Variants in PARD3B observed in about 807,000 individuals in gnomAD.
The protein encoded by PARD3B is partitioning defective 3 homolog B.
Under a neutral mutation model 130.2 loss-of-function variants are expected in PARD3B, and 103 were observed. That is an observed-to-expected ratio of 0.79 (90% CI 0.67 to 0.93). The LOEUF is 0.93. Among genes scored for constraint, PARD3B ranks in the 40% least tolerant of loss-of-function variants. The probability of loss-of-function intolerance (pLI) is 0.00; values close to 1 mark genes in which losing one functional copy is unlikely to be tolerated. For missense variants in PARD3B, 1,609 were observed against 1,499.2 expected (o/e 1.07, Z -1.21); for synonymous variants, 583 against 553.2 (o/e 1.05, Z -0.76).
At chr2:205,238,916 G>GTATA (rs747790189) in intron 15 of PARD3B, among the ~76,000 whole-genome samples, 5 of 118,450 alleles carry the variant, frequency 4.2e-5, no homozygotes, top group African/African-American at 1.7e-4. Flanking sequence ...ATATGTATGT[G>GTATA]TATATATATA....
chr2:204,707,362 G>A (rs1300901859), intron 2 of PARD3B, among the ~76,000 whole-genome samples: 1 of 152,186 alleles, frequency 6.6e-6, no homozygotes, highest in African/African-American at 2.4e-5. Flanking sequence ...ATATGGAGTT[G>A]CTGATGTTTT....
intron 10 of PARD3B, among the ~76,000 whole-genome samples, chr2:205,131,973 C>A (rs2032044596): frequency 6.6e-6 from 1 of 152,096 alleles, no homozygotes; most frequent in Non-Finnish European, 1.5e-5. Context: ...GATTAAATGG[C>A]CTTGATGAAG....
chr2:205,472,180 G>A lies in PARD3B; in HGVS notation c.3045-27716G>A, dbSNP rs561819189. On this transcript the variant is annotated intron_variant, in intron 20 of 22. Coordinates refer to ENST00000406610, the MANE Select transcript of PARD3B (RefSeq NM_001302769.2). ...AAGGTAACATAGGATGCATAAAACC[G>A]TATACATCTGAATTGTCTCCTCGAC... Among the ~76,000 whole-genome samples, 53 of 152,228 alleles carry A rather than the reference G, an allele frequency of 3.5e-4. No homozygotes were observed. In the South Asian group the frequency reaches 8.5e-3, roughly 24 times the overall value.
chr2:204,976,904 C>T (rs1401238937), intron 3 of PARD3B, among the ~76,000 whole-genome samples: 1 of 152,150 alleles, frequency 6.6e-6, no homozygotes, highest in Non-Finnish European at 1.5e-5. Flanking sequence ...GCCAGTCCCA[C>T]CTAGCCATGC....
chr2:204,747,500 T>C (rs1313081847), intron 2 of PARD3B, among the ~76,000 whole-genome samples: 2 of 152,120 alleles, frequency 1.3e-5, no homozygotes, highest in Admixed American at 6.6e-5. Flanking sequence ...AAAATGGCCA[T>C]ACTGCCCAAG....
At chr2:205,523,069 T>TTCTGAGGC (rs2051152861) in intron 21 of PARD3B, among the ~76,000 whole-genome samples, 2 of 151,846 alleles carry the variant, frequency 1.3e-5, no homozygotes, top group African/African-American at 4.8e-5. Flanking sequence ...ATTTGATTCA[T>TTCTGAGGC]TCTGAGGCTT....
chr2:204,545,824 C>T lies in PARD3B; in HGVS notation c.-176C>T. ...GCCCCTCCCCGATTCCCGCCACCTG[C>T]CGCCTGGCCAGGTGGAAGGGGCGCT... is the stretch of plus-strand genomic sequence containing the variant. On this transcript the variant is annotated 5_prime_UTR_variant, in exon 1 of 23. Coordinates refer to ENST00000406610, the MANE Select transcript of PARD3B (RefSeq NM_001302769.2). 1.6e-6 allele frequency: 1 copy of T among 625,924 alleles called. No individual in the cohort carries two copies. Among genetic ancestry groups the T allele is most frequent in the South Asian group, 3.3e-5 (1 of 30,204 alleles). 38.8% of individuals were successfully genotyped at this position (625,924 alleles called of 1,614,324 possible). A position where few individuals can be genotyped will look rare whatever the true frequency, so the allele number is the denominator to read the frequency against.
chr2:205,378,552 A>C lies in PARD3B; in HGVS notation c.2631-22461A>C, dbSNP rs189157491. Among the ~76,000 whole-genome samples, 3 of 152,146 alleles carry C rather than the reference A, an allele frequency of 2.0e-5. No individual in the cohort carries two copies. In the East Asian group the frequency reaches 5.8e-4, roughly 29 times the overall value. On this transcript the variant is annotated intron_variant, in intron 18 of 22. Transcript: ENST00000406610. ...AGGTATTCTTACTCTGCCAGAGCTT[A>C]CCCAGGCACAGCTTCTCAGGAGTGC... is the stretch of plus-strand genomic sequence containing the variant.
At position 205,097,385 on chromosome 2, in the gene PARD3B, A is replaced by C. The variant is rs1169686445; in HGVS notation, c.505-7041A>C. 2.6e-5 allele frequency among the ~76,000 whole-genome samples: 4 copies of C among 152,168 alleles called. No individual in the cohort carries two copies. The South Asian group carries it at 8.3e-4, about 31-fold the overall frequency. ...TGGCTTTGTCACTAACACAACATGT[A>C]AAAGGAGACCAGTCATTTCAGCTTT... On this transcript the variant is annotated intron_variant, in intron 4 of 22. Coordinates refer to ENST00000406610, the MANE Select transcript of PARD3B (RefSeq NM_001302769.2).
At position 205,125,036 on chromosome 2, in the gene PARD3B, T is replaced by G. The variant is rs2031218940; in HGVS notation, c.1305+570T>G. ...GTCTTGATAATTATATATTGTCCAT[T>G]TACCTTTGAAGCAAACATCTTCATT... On this transcript the variant is annotated intron_variant, in intron 9 of 22. Transcript: ENST00000406610. The surrounding 1 kb of genome is among the most constrained non-coding windows in gnomAD (Gnocchi z 4.0). Among the ~76,000 whole-genome samples, 1 of 152,210 alleles carries G rather than the reference T, an allele frequency of 6.6e-6. No homozygotes were observed. The highest frequency in any genetic ancestry group is 2.1e-4 in the South Asian group (1 of 4,830).
intron 19 of PARD3B, among the ~76,000 whole-genome samples, chr2:205,410,913 C>T (rs968313804): frequency 1.3e-5 from 2 of 152,144 alleles, no homozygotes; most frequent in Non-Finnish European, 2.9e-5. Context: ...GGCCTCCACC[C>T]GCCCCATACC....
intron 2 of PARD3B, among the ~76,000 whole-genome samples, chr2:204,793,509 A>G (rs1347292722): frequency 6.6e-6 from 1 of 151,480 alleles, no homozygotes; most frequent in Admixed American, 6.6e-5. Flanking sequence ...GACCTTTTTT[A>G]TTTTTATTTT....
In PARD3B at chr2:205,607,831, TACACACACACACACACAC is replaced by T. The variant is rs776583001; in HGVS notation, c.3261-7593_3261-7576del. 1.1e-4 allele frequency among the ~76,000 whole-genome samples: 13 copies of T among 116,232 alleles called. No homozygotes were observed. The South Asian group carries it at 1.5e-3, about 13-fold the overall frequency. The allele number at this position is 116,232 out of a possible 152,430, so 76.3% of individuals were successfully genotyped here. On this transcript the variant is annotated intron_variant, in intron 22 of 22. Transcript: ENST00000406610. Reference sequence around the variant, plus strand: ...TGGAGGCCCTCTCCCCCAACACCCATACACACACACACACACACACACACACACACACACACACACACA... The same window carrying T: ...TGGAGGCCCTCTCCCCCAACACCCATACACACACACACACACACACACACA...
chr2:204,776,433 A>G (rs1189654712), intron 2 of PARD3B, among the ~76,000 whole-genome samples: 1 of 152,128 alleles, frequency 6.6e-6, no homozygotes, highest in Admixed American at 6.5e-5. Flanking sequence ...TTACCTGTAT[A>G]AGCACAGAAT....
intron 2 of PARD3B, among the ~76,000 whole-genome samples, chr2:204,928,009 AT>A (rs1279705156): frequency 6.6e-6 from 1 of 152,166 alleles, no homozygotes; most frequent in Non-Finnish European, 1.5e-5. Context: ...AACAGTAAGC[AT>A]TTTTCATTGC....
chr2:205,131,953 A>G (rs1379330793), intron 10 of PARD3B, among the ~76,000 whole-genome samples: 1 of 152,124 alleles, frequency 6.6e-6, no homozygotes, highest in Admixed American at 6.5e-5. Context: ...CCTTGACTCT[A>G]TCACTTATTG....
intron 2 of PARD3B, among the ~76,000 whole-genome samples, chr2:204,777,450 A>G (rs1338144437): frequency 2.0e-5 from 3 of 152,196 alleles, no homozygotes; most frequent in Non-Finnish European, 4.4e-5. Flanking sequence ...AAGGTGACTA[A>G]GAACATGTGT....
chr2:205,020,493 C>T (rs1696513722), intron 3 of PARD3B, among the ~76,000 whole-genome samples: 1 of 152,002 alleles, frequency 6.6e-6, no homozygotes, highest in Non-Finnish European at 1.5e-5. Context: ...CTAAACTCTG[C>T]TTGGAATTTC....
At chr2:204,665,321 T>G (rs1445132097) in intron 1 of PARD3B, among the ~76,000 whole-genome samples, 1 of 152,166 alleles carries the variant, frequency 6.6e-6, no homozygotes, top group Non-Finnish European at 1.5e-5. Context: ...GCTGTTTGGC[T>G]CCTGTTAAAA....
Sources: gnomAD v4.1 joint callset for allele counts (sites outside exome capture counted in the v4.1 genomes callset) on GRCh38, gnomAD v4.1.1 for gene constraint, Gnocchi (gnomAD v3.1) non-coding constraint, MANE v1.5 for transcripts, NCBI Gene and HGNC (gene_info 2026-07-23, HGNC 2026-07-21) for gene names.